Variants in ANTXR1 observed in about 807,000 individuals in gnomAD.
ANTXR1 encodes anthrax toxin receptor 1.
A neutral mutation model predicts 78.1 loss-of-function variants in ANTXR1; 19 were observed. The ratio of observed to expected loss-of-function variants is 0.24; its 90% CI spans 0.17 to 0.36. The LOEUF (loss-of-function observed/expected upper bound fraction) is 0.36, where lower values mean the gene tolerates loss of function less well. Ranked by LOEUF, ANTXR1 falls within the 10% of genes least tolerant of loss-of-function variation. The probability of loss-of-function intolerance (pLI) is 1.00; values close to 1 mark genes in which losing one functional copy is unlikely to be tolerated. For synonymous variants in ANTXR1, 273 were observed against 260.5 expected (o/e 1.05, Z -0.46); for missense variants, 518 against 718.6 (o/e 0.72, Z 3.19).
At chr2:69,190,817 T>C (rs1674527765) in intron 16 of ANTXR1, among the ~76,000 whole-genome samples, 1 of 152,196 alleles carries the variant, frequency 6.6e-6, no homozygotes, top group Admixed American at 6.5e-5. Context: ...TCTGGTCTTT[T>C]GCTATGCATG....
chr2:69,219,050 G>T (rs1360255777), intron 17 of ANTXR1, among the ~76,000 whole-genome samples: 1 of 152,146 alleles, frequency 6.6e-6, no homozygotes, highest in Non-Finnish European at 1.5e-5. Flanking sequence ...ATTATTTCAT[G>T]GACTTAATGA....
intron 12 of ANTXR1, among the ~76,000 whole-genome samples, chr2:69,150,761 A>G (rs1193772831): frequency 6.6e-6 from 1 of 152,094 alleles, no homozygotes; most frequent in African/African-American, 2.4e-5. Flanking sequence ...GCTCACACCT[A>G]TAGTCCCAGC....
chr2:69,039,974 G>A, intron 1 of ANTXR1, 70 bp from the exon 2 acceptor site: 1 of 1,277,884 alleles, frequency 7.8e-7, no homozygotes. Flanking sequence ...AACAGAATGT[G>A]AAGATAAATA....
intron 17 of ANTXR1, among the ~76,000 whole-genome samples, chr2:69,207,719 A>C (rs995432701): frequency 6.6e-6 from 1 of 152,164 alleles, no homozygotes; most frequent in African/African-American, 2.4e-5. Flanking sequence ...CTCCGCTGGC[A>C]ACACCCCCCA....
intron 8 of ANTXR1, among the ~76,000 whole-genome samples, chr2:69,083,948 CA>C (rs1670969414): frequency 1.3e-5 from 2 of 152,196 alleles, no homozygotes; most frequent in South Asian, 4.1e-4. Flanking sequence ...ACACTCAGAC[CA>C]GGCATTTCTC....
intron 3 of ANTXR1, among the ~76,000 whole-genome samples, chr2:69,055,030 C>A (rs923902594): frequency 1.3e-5 from 2 of 152,028 alleles, no homozygotes. Flanking sequence ...AATGATGACC[C>A]CACTTCACAG....
At position 69,049,156 on chromosome 2, in the gene ANTXR1, AT is replaced by A. The variant is rs535497234; in HGVS notation, c.296+4346del. Among the ~76,000 whole-genome samples, 279 of 152,168 alleles carry A rather than the reference AT, an allele frequency of 1.8e-3. 3 individuals are homozygous for A. Among genetic ancestry groups the A allele is most frequent in the Admixed American group, 0.012 (183 of 15,266 alleles). On this transcript the variant is annotated intron_variant, in intron 3 of 17. Coordinates refer to ENST00000303714, the MANE Select transcript of ANTXR1 (RefSeq NM_032208.3). Reference sequence around the variant, plus strand: ...GGCTTCTACTGAACTCCATAAAATGATTTACAAAAACGTGCATGTCAGTGGG... The same window carrying A: ...GGCTTCTACTGAACTCCATAAAATGATTACAAAAACGTGCATGTCAGTGGG...
intron 1 of ANTXR1, among the ~76,000 whole-genome samples, chr2:69,019,270 G>A (rs192279103): frequency 1.3e-4 from 20 of 152,266 alleles, no homozygotes; most frequent in African/African-American, 2.4e-4. Context: ...ATTTTAATTC[G>A]TATAAGTCTT....
chr2:69,069,972 G>T (rs569038357), intron 3 of ANTXR1, among the ~76,000 whole-genome samples: 2 of 152,296 alleles, frequency 1.3e-5, no homozygotes, highest in South Asian at 2.1e-4. Flanking sequence ...ACAGAAACAT[G>T]AATGTAGACT....
At chr2:69,123,449 A>C (rs943728582) in intron 11 of ANTXR1, among the ~76,000 whole-genome samples, 65 of 152,174 alleles carry the variant, frequency 4.3e-4, no homozygotes, top group African/African-American at 1.5e-3. Context: ...GAAAGTTCTC[A>C]CACACTTGAC....
intron 1 of ANTXR1, among the ~76,000 whole-genome samples, chr2:69,037,907 C>G (rs1183141963): frequency 6.6e-6 from 1 of 152,096 alleles, no homozygotes; most frequent in Non-Finnish European, 1.5e-5. Flanking sequence ...ACGCTCCTTC[C>G]AGATCCCTTC....
chr2:69,094,905 AC>A (rs1327998697), intron 9 of ANTXR1, among the ~76,000 whole-genome samples: 110 of 152,326 alleles, frequency 7.2e-4, no homozygotes, highest in African/African-American at 2.5e-3. Flanking sequence ...GTAACAATTA[AC>A]GGTAAGATAG....
chr2:69,061,386 T>G (rs551706312), intron 3 of ANTXR1, among the ~76,000 whole-genome samples: 1 of 151,884 alleles, frequency 6.6e-6, no homozygotes, highest in South Asian at 2.1e-4. Flanking sequence ...ATTTCAGACT[T>G]AAAATCTAAG....
At chr2:69,080,176 C>T (rs148663731) in intron 8 of ANTXR1, among the ~76,000 whole-genome samples, 1 of 152,288 alleles carries the variant, frequency 6.6e-6, no homozygotes, top group East Asian at 1.9e-4. Context: ...GTTGTTCATT[C>T]GTTTGCTTGG....
At chr2:69,107,334 G>C (rs1253921488) in intron 10 of ANTXR1, among the ~76,000 whole-genome samples, 1 of 152,106 alleles carries the variant, frequency 6.6e-6, no homozygotes, top group Non-Finnish European at 1.5e-5. Context: ...CTGCCTCCCA[G>C]GCTCAAGCGA....
chr2:69,071,381 A>G (rs1196419407), intron 4 of ANTXR1, among the ~76,000 whole-genome samples: 2 of 152,230 alleles, frequency 1.3e-5, no homozygotes. Context: ...ATTGTAGGCA[A>G]TTGTAACACT....
At chr2:69,203,368 T>C (rs1460046698) in intron 17 of ANTXR1, among the ~76,000 whole-genome samples, 1 of 152,228 alleles carries the variant, frequency 6.6e-6, no homozygotes, top group African/African-American at 2.4e-5. Flanking sequence ...TGCTGTCTCA[T>C]TGGAGGGGGA....
intron 3 of ANTXR1, among the ~76,000 whole-genome samples, chr2:69,048,623 A>G (rs1449200114): frequency 6.6e-6 from 1 of 152,184 alleles, no homozygotes; most frequent in Non-Finnish European, 1.5e-5. Flanking sequence ...ATCTTTTACC[A>G]ACAACTTGAA....
At chr2:69,138,648 A>G (rs150207395) in intron 12 of ANTXR1, among the ~76,000 whole-genome samples, 16 of 152,374 alleles carry the variant, frequency 1.1e-4, no homozygotes, top group Admixed American at 2.0e-4. Context: ...AGAGTCAGCC[A>G]CAAACGATAC....
Sources: allele counts gnomAD v4.1 joint callset (sites outside exome capture counted in the v4.1 genomes callset), GRCh38; gene constraint gnomAD v4.1.1; transcripts MANE v1.5; gene names NCBI Gene and HGNC (gene_info 2026-07-23, HGNC 2026-07-21).